Variants in CYFIP1 observed in about 807,000 individuals in gnomAD.
CYFIP1 encodes the protein cytoplasmic FMR1 interacting protein 1, also known as cytoplasmic FMR1-interacting protein 1.
CYFIP1 carries 58 observed loss-of-function variants against 163.5 expected under a neutral mutation model. The ratio of observed to expected loss-of-function variants is 0.35; its 90% CI spans 0.29 to 0.44. The LOEUF (loss-of-function observed/expected upper bound fraction) is 0.44, where lower values mean the gene tolerates loss of function less well. Ranked by LOEUF, CYFIP1 falls within the 20% of genes least tolerant of loss-of-function variation. CYFIP1 has a pLI of 1.00. For synonymous variants in CYFIP1, 663 were observed against 660.7 expected, an observed-to-expected ratio of 1.00 and a Z score of -0.05; for missense variants, 1,338 against 1,653.8, an observed-to-expected ratio of 0.81 and a Z score of 3.31.
rs768334867 is a variant in CYFIP1 at position 22,909,180 on chromosome 15, G to A, written c.2388+14C>T. 6.2e-7 allele frequency: 1 copy of A among 1,613,622 alleles called. No homozygotes were observed. The highest frequency in any genetic ancestry group is 8.5e-7 in the Non-Finnish European group (1 of 1,179,560). ...TAGTCCAATTTATCAATAGGGCAAAGTGAAATTACTTACAACTATGGAGGT... is the reference window on the plus strand; with the variant it reads ...TAGTCCAATTTATCAATAGGGCAAAATGAAATTACTTACAACTATGGAGGT... On this transcript the variant is annotated intron_variant, in intron 21 of 30. Coordinates refer to ENST00000617928, the MANE Select transcript of CYFIP1 (RefSeq NM_014608.6).
intron 13 of CYFIP1, among the ~76,000 whole-genome samples, chr15:22,925,531 G>A (rs1055650731): frequency 6.6e-6 from 1 of 152,192 alleles, no homozygotes; most frequent in African/African-American, 2.4e-5. Context: ...ATACCTTCAC[G>A]ACCTGAGAGT....
At chr15:22,900,493 G>A (rs1285702985) in intron 22 of CYFIP1, among the ~76,000 whole-genome samples, 3 of 151,540 alleles carry the variant, frequency 2.0e-5, no homozygotes, top group Non-Finnish European at 4.4e-5. Flanking sequence ...CCGCTGCCCG[G>A]GTTCACGCCA....
chr15:22,926,735 A>G (rs1203696199), intron 12 of CYFIP1, among the ~76,000 whole-genome samples: 2 of 152,218 alleles, frequency 1.3e-5, no homozygotes, highest in African/African-American at 4.8e-5. Context: ...TTAAAAATGC[A>G]GGGCGTGAAG....
In CYFIP1 at chr15:22,916,549, C is replaced by T. The variant is rs1566968041; in HGVS notation, c.1756G>A (p.Gly586Arg). The change falls in exon 16 of 31, where the codon GGG (glycine) becomes AGG (arginine). Residue 586 changes from glycine to arginine, a missense_variant. Physicochemically the swap from Gly to Arg is moderately radical, Grantham distance 125. Transcript: ENST00000617928. ...SKKTLRSSLE[G>R]PTILDIEKFH... ...TTTTCTATGTCCAATATGGTGGGCC[C>T]CTCAAGGCTACTTCTCAAGGTTTTC... The T allele has an allele frequency of 1.2e-6, 2 of 1,614,068 alleles. No individual in the cohort carries two copies. The highest frequency in any genetic ancestry group is 1.3e-5 in the African/African-American group (1 of 75,006).
chr15:22,875,885 C>CATATATATATATATAT (rs10640110), intron 26 of CYFIP1, among the ~76,000 whole-genome samples: 17 of 130,864 alleles, frequency 1.3e-4, no homozygotes, highest in Non-Finnish European at 1.9e-4. Flanking sequence ...TCCAGAATAA[C>CATATATATATATATAT]ATATATATAT....
At chr15:22,909,977 C>T (rs2060728512) in intron 20 of CYFIP1, among the ~76,000 whole-genome samples, 2 of 151,842 alleles carry the variant, frequency 1.3e-5, no homozygotes, top group South Asian at 2.1e-4. Flanking sequence ...CTGACCCCTC[C>T]GGGCTATGCC....
chr15:22,892,784 A>G, intron 23 of CYFIP1, 106 bp downstream of exon 23: 1 of 765,992 alleles, frequency 1.3e-6, no homozygotes, highest in African/African-American at 1.8e-5. Flanking sequence ...CATTTTATAC[A>G]CAGCGTGATA....
intron 1 of CYFIP1, 110 bp downstream of exon 1, chr15:22,980,177 A>AGGGG (rs376603365): frequency 2.1e-4 from 23 of 108,620 alleles, no homozygotes; most frequent in African/African-American, 8.7e-4. Context: ...GTTGGGGGGG[A>AGGGG]GGGGGGGGTC....
intron 1 of CYFIP1, among the ~76,000 whole-genome samples, chr15:22,953,493 G>A (rs1378567355): frequency 6.6e-6 from 1 of 152,000 alleles, no homozygotes; most frequent in Non-Finnish European, 1.5e-5. Context: ...CGTCCCACAG[G>A]GATTTTCCCC....
chr15:22,915,516 C>T (rs528813011), intron 16 of CYFIP1, among the ~76,000 whole-genome samples: 17 of 151,838 alleles, frequency 1.1e-4, no homozygotes, highest in African/African-American at 3.1e-4. Context: ...TTTGGGAGGC[C>T]GAGGCGGGTG....
intron 1 of CYFIP1, among the ~76,000 whole-genome samples, chr15:22,949,436 C>T (rs543811419): frequency 3.9e-5 from 6 of 152,130 alleles, no homozygotes; most frequent in African/African-American, 9.6e-5. Flanking sequence ...TGCTGGCCAG[C>T]GGTACAGGCT....
intron 3 of CYFIP1, among the ~76,000 whole-genome samples, chr15:22,945,858 C>T (rs965362854): frequency 6.6e-6 from 1 of 152,224 alleles, no homozygotes; most frequent in Non-Finnish European, 1.5e-5. Flanking sequence ...GCTGGGATTA[C>T]AGGCGTGGGC....
At chr15:22,967,510 G>T (rs1191118229) in intron 1 of CYFIP1, among the ~76,000 whole-genome samples, 1 of 152,098 alleles carries the variant, frequency 6.6e-6, no homozygotes, top group African/African-American at 2.4e-5. Flanking sequence ...CAGTGTGTGG[G>T]AAGACATGTG....
At chr15:22,921,762 C>G (rs1595607350) in intron 13 of CYFIP1, among the ~76,000 whole-genome samples, 1 of 87,974 alleles carries the variant, frequency 1.1e-5, no homozygotes. Context: ...GAGACTCTGT[C>G]TCAAAAAAAA....
chr15:22,917,116 G>T lies in CYFIP1; in HGVS notation c.1675-486C>A. On this transcript the variant is annotated intron_variant, in intron 15 of 30. Coordinates refer to ENST00000617928, the MANE Select transcript of CYFIP1 (RefSeq NM_014608.6). This position sits in a 1 kb window ranked among gnomAD's most constrained non-coding sequence, Gnocchi z 4.2. ...CCCCAGGCAGGGACACGGGACGCAC[G>T]CAGAGGGAGGCAGGGAGGGTGGCTG... 1 of 1,449,702 alleles carries T rather than the reference G, an allele frequency of 6.9e-7. No homozygotes were observed. The highest frequency in any genetic ancestry group is 9.0e-7 in the Non-Finnish European group (1 of 1,107,124). 89.8% of individuals were successfully genotyped at this position (1,449,702 alleles called of 1,614,324 possible).
intron 6 of CYFIP1, among the ~76,000 whole-genome samples, chr15:22,942,126 A>G (rs769657140): frequency 7.2e-5 from 11 of 152,198 alleles, no homozygotes; most frequent in Non-Finnish European, 1.6e-4. Flanking sequence ...TTAGGTGATA[A>G]ATGGAACACT....
At chr15:22,942,038 C>G (rs2061906728) in intron 6 of CYFIP1, among the ~76,000 whole-genome samples, 1 of 152,206 alleles carries the variant, frequency 6.6e-6, no homozygotes, top group Non-Finnish European at 1.5e-5. Context: ...ACTTCTGCCC[C>G]AAGAGGGGCT....
In CYFIP1 at chr15:22,880,046, A is replaced by G. The variant is rs2059708608; in HGVS notation, c.2912-3T>C. On this transcript the variant is annotated splice_polypyrimidine_tract_variant and splice_region_variant and intron_variant, in intron 25 of 30. Coordinates refer to ENST00000617928, the MANE Select transcript of CYFIP1 (RefSeq NM_014608.6). ...GTGGTGGAAGAACTCCAGGATACCT[A>G]CGGTGGCGGGAGTGAGGTGGGGTTG... is the stretch of plus-strand genomic sequence containing the variant. 1.2e-6 allele frequency: 2 copies of G among 1,612,262 alleles called. No individual in the cohort carries two copies. Among genetic ancestry groups the G allele is most frequent in the Non-Finnish European group, 1.7e-6 (2 of 1,178,992 alleles).
At chr15:22,961,912 A>G (rs762163894) in intron 1 of CYFIP1, among the ~76,000 whole-genome samples, 1 of 152,224 alleles carries the variant, frequency 6.6e-6, no homozygotes, top group African/African-American at 2.4e-5. Context: ...ACTTTTTATC[A>G]TATTAGCTTT....
Sources: gnomAD v4.1 joint callset for allele counts (sites outside exome capture counted in the v4.1 genomes callset) on GRCh38, gnomAD v4.1.1 for gene constraint, Gnocchi (gnomAD v3.1) non-coding constraint, MANE v1.5 for transcripts, NCBI Gene and HGNC (gene_info 2026-07-23, HGNC 2026-07-21) for gene names.